The following IMMP2L variants were observed in gnomAD, a reference collection of about 807,000 sequenced individuals.
IMMP2L encodes inner mitochondrial membrane peptidase subunit 2.
In IMMP2L, 18 loss-of-function variants were observed where a neutral mutation model predicts 19.3. The observed-to-expected ratio is 0.93, with a 90% CI of 0.64 to 1.38. The LOEUF is 1.38. IMMP2L is among the 40% of genes most tolerant of loss of function. The probability of loss-of-function intolerance (pLI) is 0.00; values close to 1 mark genes in which losing one functional copy is unlikely to be tolerated. For missense variants in IMMP2L, 233 were observed against 218.2 expected (o/e 1.07, Z -0.43); for synonymous variants, 76 against 73.0 (o/e 1.04, Z -0.21).
intron 3 of IMMP2L, among the ~76,000 whole-genome samples, chr7:111,166,818 A>G (rs763238498): frequency 3.3e-5 from 5 of 151,886 alleles, no homozygotes; most frequent in Non-Finnish European, 7.4e-5. Flanking sequence ...TATTTTGCCT[A>G]TCCACTGCTT....
chr7:110,835,363 C>T (rs893624430), intron 5 of IMMP2L, among the ~76,000 whole-genome samples: 6 of 152,014 alleles, frequency 3.9e-5, no homozygotes, highest in East Asian at 1.9e-4. Context: ...ACCTAATATG[C>T]GGTATGGCAG....
intron 3 of IMMP2L, among the ~76,000 whole-genome samples, chr7:111,068,452 G>C (rs1371833429): frequency 2.6e-5 from 4 of 151,802 alleles, no homozygotes; most frequent in Non-Finnish European, 4.4e-5. Flanking sequence ...ACAATATGCA[G>C]CTTAAACTTG....
intron 3 of IMMP2L, among the ~76,000 whole-genome samples, chr7:111,355,688 G>A (rs1487231246): frequency 6.6e-6 from 1 of 151,812 alleles, no homozygotes; most frequent in East Asian, 1.9e-4. Context: ...TCTTTTAAAT[G>A]TTCACCTCTA....
chr7:110,691,937 C>A (rs1360790345), intron 5 of IMMP2L, among the ~76,000 whole-genome samples: 1 of 152,192 alleles, frequency 6.6e-6, no homozygotes, highest in African/African-American at 2.4e-5. Context: ...ACCATTCAAT[C>A]CAGCAGCCCC....
chr7:110,701,377 A>G (rs1794275867), intron 5 of IMMP2L, among the ~76,000 whole-genome samples: 2 of 152,188 alleles, frequency 1.3e-5, no homozygotes, highest in African/African-American at 2.4e-5. Flanking sequence ...AATGCTTTAC[A>G]TATATTATCT....
intron 5 of IMMP2L, among the ~76,000 whole-genome samples, chr7:110,813,882 A>C (rs1342802501): frequency 1.3e-5 from 2 of 152,054 alleles, no homozygotes; most frequent in East Asian, 3.9e-4. Flanking sequence ...ACACTTTAAA[A>C]TTACACCAAA....
intron 4 of IMMP2L, among the ~76,000 whole-genome samples, chr7:110,961,361 A>G (rs10246351): frequency 0.65 from 98,931 of 151,490 alleles, 33,422 homozygotes; most frequent in African/African-American, 0.82. Flanking sequence ...TATTCCTAAT[A>G]CAATATAAAT....
At chr7:110,980,923 G>C (rs1452553447) in intron 3 of IMMP2L, among the ~76,000 whole-genome samples, 2 of 152,082 alleles carry the variant, frequency 1.3e-5, no homozygotes, top group African/African-American at 4.8e-5. Flanking sequence ...TAAAATATTT[G>C]AACCAGTGTT....
At chr7:110,968,502 C>T (rs1379528670) in intron 3 of IMMP2L, among the ~76,000 whole-genome samples, 2 of 151,878 alleles carry the variant, frequency 1.3e-5, no homozygotes, top group Non-Finnish European at 2.9e-5. Flanking sequence ...GGTGAAACCC[C>T]GTCTCTACAA....
intron 5 of IMMP2L, among the ~76,000 whole-genome samples, chr7:110,692,651 C>T (rs575656029): frequency 6.6e-6 from 1 of 152,190 alleles, no homozygotes; most frequent in South Asian, 2.1e-4. Context: ...CGATTATTTA[C>T]AATTTGTTAT....
chr7:110,749,551 G>A (rs1212468976), intron 5 of IMMP2L, among the ~76,000 whole-genome samples: 1 of 152,110 alleles, frequency 6.6e-6, no homozygotes, highest in East Asian at 1.9e-4. Context: ...ATACACCATG[G>A]AATACTATGC....
intron 3 of IMMP2L, among the ~76,000 whole-genome samples, chr7:111,447,252 T>C (rs1178434449): frequency 1.6e-5 from 2 of 125,220 alleles, no homozygotes; most frequent in Admixed American, 7.9e-5. Context: ...AGACACATAA[T>C]TGTCAGATTC....
chr7:111,313,651 A>G (rs987457910), intron 3 of IMMP2L, among the ~76,000 whole-genome samples: 2 of 152,270 alleles, frequency 1.3e-5, no homozygotes, highest in South Asian at 4.2e-4. Context: ...CCAGAGTTAC[A>G]GATGTAAAAT....
At chr7:111,499,674 G>T (rs1279031756) in intron 2 of IMMP2L, among the ~76,000 whole-genome samples, 2 of 152,322 alleles carry the variant, frequency 1.3e-5, no homozygotes, top group South Asian at 4.2e-4. Flanking sequence ...CCAGCAGCAT[G>T]TGTTGTCAAG....
chr7:111,112,411 T>C (rs1407920841), intron 3 of IMMP2L, among the ~76,000 whole-genome samples: 2 of 152,224 alleles, frequency 1.3e-5, no homozygotes, highest in Non-Finnish European at 2.9e-5. Flanking sequence ...TCATCTCATA[T>C]TAACCATTTA....
At chr7:111,031,056 T>C (rs1180718737) in intron 3 of IMMP2L, among the ~76,000 whole-genome samples, 1 of 151,512 alleles carries the variant, frequency 6.6e-6, no homozygotes, top group African/African-American at 2.4e-5. Context: ...TGGTGATGAA[T>C]TATGGTAGGA....
chr7:111,043,207 A>G (rs2129571280), intron 3 of IMMP2L, among the ~76,000 whole-genome samples: 1 of 152,370 alleles, frequency 6.6e-6, no homozygotes, highest in Admixed American at 6.5e-5. Flanking sequence ...ATGAAAAGAA[A>G]TACAGAGGAT....
chr7:110,747,450 G>A (rs1053225185), intron 5 of IMMP2L, among the ~76,000 whole-genome samples: 6 of 152,012 alleles, frequency 3.9e-5, no homozygotes, highest in African/African-American at 1.4e-4. Context: ...CAACAAAAAA[G>A]GAAATTTCAG....
intron 4 of IMMP2L, among the ~76,000 whole-genome samples, chr7:110,891,387 G>A (rs1407174191): frequency 1.3e-5 from 2 of 152,184 alleles, no homozygotes; most frequent in African/African-American, 2.4e-5. Flanking sequence ...CACACTACTT[G>A]GGTAGTCTGA....
Sources: allele counts gnomAD v4.1 joint callset (sites outside exome capture counted in the v4.1 genomes callset), GRCh38; gene constraint gnomAD v4.1.1; transcripts MANE v1.5; gene names NCBI Gene and HGNC (gene_info 2026-07-23, HGNC 2026-07-21).